Variants in ABLIM3 observed in about 807,000 individuals in gnomAD.
The protein encoded by ABLIM3 is actin binding LIM protein family member 3.
A neutral mutation model predicts 109.5 loss-of-function variants in ABLIM3; 61 were observed. The ratio of observed to expected loss-of-function variants is 0.56; its 90% CI spans 0.45 to 0.69. The LOEUF is 0.69. Ranked by LOEUF, ABLIM3 falls within the 30% of genes least tolerant of loss-of-function variation. The pLI, the probability that ABLIM3 is intolerant of heterozygous loss-of-function variation, is 0.00. For synonymous variants in ABLIM3, 300 were observed against 324.8 expected, an observed-to-expected ratio of 0.92 and a Z score of 0.82; for missense variants, 796 against 889.5, an observed-to-expected ratio of 0.89 and a Z score of 1.34.
intron 2 of ABLIM3, among the ~76,000 whole-genome samples, chr5:149,182,445 G>A (rs1756551387): frequency 6.6e-6 from 1 of 152,148 alleles, no homozygotes; most frequent in Admixed American, 6.5e-5. Flanking sequence ...GTTTCTCAGT[G>A]GCAAAGTTAC....
At chr5:149,206,099 G>A (rs78933042) in intron 5 of ABLIM3, among the ~76,000 whole-genome samples, 33 of 152,336 alleles carry the variant, frequency 2.2e-4, no homozygotes, top group East Asian at 9.6e-4. Flanking sequence ...TGGGTCATCC[G>A]GTTGGCTAGG....
At chr5:149,256,146 C>A (rs1009266022) in intron 23 of ABLIM3, among the ~76,000 whole-genome samples, 2 of 152,212 alleles carry the variant, frequency 1.3e-5, no homozygotes, top group Non-Finnish European at 2.9e-5. Flanking sequence ...CCCCAGCTGG[C>A]CCTTAGAGGA....
intron 8 of ABLIM3, among the ~76,000 whole-genome samples, chr5:149,225,955 AAT>A (rs1561607288): frequency 9.7e-5 from 10 of 103,542 alleles, no homozygotes; most frequent in East Asian, 3.3e-4. Flanking sequence ...GTATGTATAT[AAT>A]ATGTGTGTGT....
Position 149,247,901 on chromosome 5 carries a change from A to G in ABLIM3, c.1671A>G (p.Thr557=), listed in dbSNP as rs1274262065. The G allele has an allele frequency of 6.8e-6, 11 of 1,614,224 alleles. No individual in the cohort carries two copies. The highest frequency in any genetic ancestry group is 3.3e-4 in the Middle Eastern group (2 of 6,060). Residue 557 remains threonine, a synonymous_variant, in exon 18 of 24, where the codon ACA becomes ACG. Coordinates refer to ENST00000309868, the MANE Select transcript of ABLIM3 (RefSeq NM_014945.5). ...SSTSSREALH[T]AGYEMSLNGS... ...CCAGCAGCCGGGAAGCCCTGCACAC[A>G]GCTGGCTATGAGATGTCCCTCAATG...
intron 2 of ABLIM3, among the ~76,000 whole-genome samples, chr5:149,169,466 T>C (rs925250335): frequency 1.3e-5 from 2 of 152,020 alleles, no homozygotes; most frequent in African/African-American, 4.8e-5. Flanking sequence ...CTCCCTGGTG[T>C]CTCATTAGTC....
intron 5 of ABLIM3, among the ~76,000 whole-genome samples, chr5:149,203,708 T>C (rs1758702572): frequency 6.6e-6 from 1 of 151,568 alleles, no homozygotes. Context: ...CCACCATTAT[T>C]ATTACCACCA....
chr5:149,205,311 A>G (rs759772705), intron 5 of ABLIM3, among the ~76,000 whole-genome samples: 24 of 152,116 alleles, frequency 1.6e-4, no homozygotes, highest in Admixed American at 3.3e-4. Context: ...ACTGCCCACT[A>G]CTGGAGGTGA....
At chr5:149,212,699 A>G (rs1426018419) in intron 7 of ABLIM3, among the ~76,000 whole-genome samples, 2 of 152,200 alleles carry the variant, frequency 1.3e-5, no homozygotes, top group African/African-American at 2.4e-5. Context: ...TTTCTGAGGG[A>G]TAGGAAGCCT....
chr5:149,148,455 T>TG (rs1413547037), intron 2 of ABLIM3, among the ~76,000 whole-genome samples: 1 of 152,216 alleles, frequency 6.6e-6, no homozygotes, highest in Non-Finnish European at 1.5e-5. Flanking sequence ...ATTGCCACTT[T>TG]GTCTTCTGTA....
chr5:149,166,124 T>C (rs948693281), intron 2 of ABLIM3, among the ~76,000 whole-genome samples: 7 of 152,346 alleles, frequency 4.6e-5, no homozygotes, highest in African/African-American at 1.7e-4. Flanking sequence ...AGTTTTACTT[T>C]AAAATCCATA....
chr5:149,144,740 G>A (rs1056032043), intron 2 of ABLIM3, among the ~76,000 whole-genome samples: 1 of 152,206 alleles, frequency 6.6e-6, no homozygotes, highest in African/African-American at 2.4e-5. Flanking sequence ...GCAGTTAATT[G>A]TTGGGTTATG....
chr5:149,172,176 G>A, intron 2 of ABLIM3, among the ~76,000 whole-genome samples: 1 of 152,126 alleles, frequency 6.6e-6, no homozygotes, highest in East Asian at 1.9e-4. Context: ...GCCAGATCCT[G>A]AAATCAATGT....
At position 149,259,629 on chromosome 5, in the gene ABLIM3, C is replaced by G; in HGVS notation, c.*1225C>G. The G allele has an allele frequency of 6.6e-7, 1 of 1,519,702 alleles. No homozygotes were observed. The allele number at this position is 1,519,702 out of a possible 1,614,324, so 94.1% of individuals were successfully genotyped here. On this transcript the variant is annotated 3_prime_UTR_variant, in exon 24 of 24. Coordinates refer to ENST00000309868, the MANE Select transcript of ABLIM3 (RefSeq NM_014945.5). ...CGCTCATGGCCATCCTGGATTTTCC[C>G]AGTGGCTTCCCTTCCTGCTCGCCTC... is the stretch of plus-strand genomic sequence containing the variant.
intron 2 of ABLIM3, among the ~76,000 whole-genome samples, chr5:149,161,483 C>G (rs1358575952): frequency 6.6e-6 from 1 of 152,190 alleles, no homozygotes; most frequent in Non-Finnish European, 1.5e-5. Flanking sequence ...GGATTTGGAG[C>G]TTCTCTGTTT....
intron 5 of ABLIM3, among the ~76,000 whole-genome samples, chr5:149,206,155 T>G (rs1758946937): frequency 6.6e-6 from 1 of 152,190 alleles, no homozygotes; most frequent in Non-Finnish European, 1.5e-5. Context: ...TTGGCTCCAT[T>G]TCCGGACCCT....
intron 7 of ABLIM3, among the ~76,000 whole-genome samples, chr5:149,211,846 A>G (rs1759588294): frequency 6.6e-6 from 1 of 152,092 alleles, no homozygotes; most frequent in South Asian, 2.1e-4. Context: ...AGGAAGAATG[A>G]GCTTGACCCA....
rs571243513 is a variant in ABLIM3 at position 149,161,497 on chromosome 5, A to T, written c.13+19389A>T. Among the ~76,000 whole-genome samples, 7 of 152,272 alleles carry T rather than the reference A, an allele frequency of 4.6e-5. No homozygotes were observed. In the Middle Eastern group the frequency reaches 0.024, roughly 518 times the overall value. Reference sequence around the variant, plus strand: ...AGGATTTGGAGCTTCTCTGTTTCTCATCTGAAAATCTGCCCTGTGCCAGTG... The same window carrying T: ...AGGATTTGGAGCTTCTCTGTTTCTCTTCTGAAAATCTGCCCTGTGCCAGTG... On this transcript the variant is annotated intron_variant, in intron 2 of 23. Coordinates refer to ENST00000309868, the MANE Select transcript of ABLIM3 (RefSeq NM_014945.5).
At position 149,259,592 on chromosome 5, in the gene ABLIM3, G is replaced by C; in HGVS notation, c.*1188G>C. 1 of 1,535,894 alleles carries C rather than the reference G, an allele frequency of 6.5e-7. No homozygotes were observed. The highest frequency in any genetic ancestry group is 8.7e-7 in the Non-Finnish European group (1 of 1,146,688). ...TGCTTATGAGATTCCAAAATGAAGTGTTGGCCAACACCGCTCATGGCCATC... is the reference window on the plus strand; with the variant it reads ...TGCTTATGAGATTCCAAAATGAAGTCTTGGCCAACACCGCTCATGGCCATC... On this transcript the variant is annotated 3_prime_UTR_variant, in exon 24 of 24. Transcript: ENST00000309868.
intron 3 of ABLIM3, among the ~76,000 whole-genome samples, chr5:149,188,287 A>G (rs970122181): frequency 1.3e-5 from 2 of 152,232 alleles, no homozygotes; most frequent in Non-Finnish European, 2.9e-5. Context: ...CTAAAAAATT[A>G]TTAGAACTAA....
Sources: gnomAD v4.1 joint callset for allele counts (sites outside exome capture counted in the v4.1 genomes callset) on GRCh38, gnomAD v4.1.1 for gene constraint, MANE v1.5 for transcripts, NCBI Gene and HGNC (gene_info 2026-07-23, HGNC 2026-07-21) for gene names.